HDAC8: variants seen among roughly 807,000 people sequenced by gnomAD.
HDAC8 encodes histone deacetylase 8, also known as histone deacetylase-like 1.
A neutral mutation model predicts 32.2 loss-of-function variants in HDAC8; 1 was observed. That is an observed-to-expected ratio of 0.03 (90% CI 0.01 to 0.15). The LOEUF (loss-of-function observed/expected upper bound fraction) is 0.15, where lower values mean the gene tolerates loss of function less well. HDAC8 is among the 10% of genes least tolerant of loss of function. The pLI is 1.00. For missense variants in HDAC8, 117 were observed against 300.0 expected (o/e 0.39, Z 4.51); for synonymous variants, 108 against 113.9 (o/e 0.95, Z 0.33).
intron 9 of HDAC8, among the ~76,000 whole-genome samples, chrX:72,402,969 T>C (rs782296968): frequency 1.8e-5 from 2 of 112,111 alleles, no homozygotes; most frequent in East Asian, 5.6e-4. Context: ...CCACTCCAGA[T>C]TTTTATGGTT....
intron 4 of HDAC8, among the ~76,000 whole-genome samples, chrX:72,510,763 T>G (rs1202402427): frequency 8.9e-6 from 1 of 111,875 alleles, no homozygotes; most frequent in Non-Finnish European, 1.9e-5. Flanking sequence ...ACATGCAAGG[T>G]CACATTTTTC....
chrX:72,385,420 C>T (rs906653650), intron 9 of HDAC8, among the ~76,000 whole-genome samples: 2 of 110,570 alleles, frequency 1.8e-5, no homozygotes, highest in African/African-American at 3.3e-5. Context: ...GCTATGATCA[C>T]GCCACTGCAC....
chrX:72,493,486 C>T (rs782282252), intron 5 of HDAC8, among the ~76,000 whole-genome samples: 4 of 111,371 alleles, frequency 3.6e-5, no homozygotes, highest in Non-Finnish European at 7.5e-5. Context: ...AAACAAACTT[C>T]TCCAGGTCAT....
At chrX:72,522,145 C>T (rs1319368382) in intron 4 of HDAC8, among the ~76,000 whole-genome samples, 1 of 112,027 alleles carries the variant, frequency 8.9e-6, no homozygotes, top group Non-Finnish European at 1.9e-5. Context: ...TGGGGTAAGC[C>T]ACTAAACCTC....
chrX:72,464,814 T>C (rs2047972663), intron 7 of HDAC8, 83 bp from the exon 8 acceptor site: 5 of 627,478 alleles, frequency 8.0e-6, no homozygotes, highest in African/African-American at 6.7e-5. Flanking sequence ...GGAGGTATAA[T>C]TGAATTAGCA....
At chrX:72,351,449 A>C (rs1279041821) in intron 10 of HDAC8, among the ~76,000 whole-genome samples, 1 of 111,942 alleles carries the variant, frequency 8.9e-6, no homozygotes, top group Non-Finnish European at 1.9e-5. Context: ...TTGAAAGAAA[A>C]AGGGTCTCAG....
intron 9 of HDAC8, among the ~76,000 whole-genome samples, chrX:72,359,074 T>G (rs1291016354): frequency 9.2e-6 from 1 of 109,041 alleles, no homozygotes; most frequent in Non-Finnish European, 1.9e-5. Context: ...TTTTTTCTTT[T>G]TTTTCAGGAG....
chrX:72,486,046 C>A (rs1272412331), intron 7 of HDAC8, among the ~76,000 whole-genome samples: 1 of 110,379 alleles, frequency 9.1e-6, no homozygotes, highest in African/African-American at 3.3e-5. Flanking sequence ...GGCGTGAACC[C>A]GGAAGGCAGA....
At chrX:72,414,314 G>A (rs2046276599) in intron 9 of HDAC8, among the ~76,000 whole-genome samples, 2 of 111,919 alleles carry the variant, frequency 1.8e-5, no homozygotes, top group East Asian at 2.8e-4. Context: ...TTGTCAGTAT[G>A]TTGAAAAAAA....
chrX:72,515,055 T>G (rs1268884329), intron 4 of HDAC8, among the ~76,000 whole-genome samples: 1 of 111,642 alleles, frequency 9.0e-6, no homozygotes, highest in Non-Finnish European at 1.9e-5. Flanking sequence ...CTTTTTGTGA[T>G]GAGAAGACTT....
intron 9 of HDAC8, among the ~76,000 whole-genome samples, chrX:72,452,325 A>G (rs1223376267): frequency 8.9e-6 from 1 of 111,851 alleles, no homozygotes; most frequent in African/African-American, 3.3e-5. Flanking sequence ...GCATGGTGGC[A>G]CATGTCTGTA....
rs189038245 is a variant in HDAC8 at position 72,351,908 on chromosome X, A to G, written c.1006-70T>C. 4.5e-3 allele frequency: 3,479 copies of G among 772,969 alleles called. 9 individuals carry two copies. Among genetic ancestry groups the G allele is most frequent in the Non-Finnish European group, 5.1e-3 (2,662 of 525,326 alleles). 63.7% of individuals were successfully genotyped at this position (772,969 alleles called of 1,213,427 possible). On this transcript the variant is annotated intron_variant, in intron 9 of 10. Transcript: ENST00000373573. The stretch of plus-strand genomic sequence containing the variant: ...AAACCTCCAAACCAACCACATACAA[A>G]CAATCAAAAGAAACTCATACTACCA...
chrX:72,474,504 A>C (rs910736968), intron 7 of HDAC8: 145 of 1,070,224 alleles, frequency 1.4e-4, no homozygotes, highest in Middle Eastern at 1.2e-3. Flanking sequence ...GTGAAAGTAT[A>C]AAATCTCTTA....
At chrX:72,558,178 C>A (rs1173219845) in intron 4 of HDAC8, among the ~76,000 whole-genome samples, 4 of 111,918 alleles carry the variant, frequency 3.6e-5, no homozygotes, top group African/African-American at 1.3e-4. Flanking sequence ...AGAATTGATA[C>A]CAATCTTATT....
At chrX:72,393,836 AG>A (rs1679380647) in intron 9 of HDAC8, among the ~76,000 whole-genome samples, 1 of 112,141 alleles carries the variant, frequency 8.9e-6, no homozygotes, top group Admixed American at 9.4e-5. Context: ...GTAATGATGA[AG>A]TTCTTGTTTT....
chrX:72,456,000 T>C (rs1329725876), intron 9 of HDAC8, among the ~76,000 whole-genome samples: 1 of 111,916 alleles, frequency 8.9e-6, no homozygotes, highest in Non-Finnish European at 1.9e-5. Context: ...ATATCCATAA[T>C]TATCTGAAAG....
At chrX:72,494,784 C>G (rs1344789812) in intron 5 of HDAC8, among the ~76,000 whole-genome samples, 1 of 111,862 alleles carries the variant, frequency 8.9e-6, no homozygotes, top group Non-Finnish European at 1.9e-5. Flanking sequence ...CCCATTCTAT[C>G]TTGAGAAAAG....
chrX:72,529,301 A>G (rs944942098), intron 4 of HDAC8, among the ~76,000 whole-genome samples: 2 of 112,293 alleles, frequency 1.8e-5, no homozygotes, highest in African/African-American at 3.2e-5. Flanking sequence ...ATTAGCTTGC[A>G]TTATGGGGGT....
chrX:72,486,532 C>T (rs782266812), intron 7 of HDAC8, among the ~76,000 whole-genome samples: 5 of 111,448 alleles, frequency 4.5e-5, no homozygotes, highest in African/African-American at 1.6e-4. Context: ...TTAAATTAGC[C>T]AGATGTGGTA....
Sources: allele counts gnomAD v4.1 joint callset (sites outside exome capture counted in the v4.1 genomes callset), GRCh38; gene constraint gnomAD v4.1.1; transcripts MANE v1.5; gene names NCBI Gene and HGNC (gene_info 2026-07-23, HGNC 2026-07-21).